VPS26B: variants seen among roughly 807,000 people sequenced by gnomAD.
VPS26B encodes the protein vacuolar protein sorting-associated protein 26B.
VPS26B carries 10 observed loss-of-function variants against 33.3 expected under a neutral mutation model. The ratio of observed to expected loss-of-function variants is 0.30; its 90% confidence interval spans 0.19 to 0.51. VPS26B has a LOEUF of 0.51. VPS26B is among the 20% of genes least tolerant of loss of function. The probability of loss-of-function intolerance (pLI) is 0.98; values close to 1 mark genes in which losing one functional copy is unlikely to be tolerated. For missense variants in VPS26B, 317 were observed against 452.7 expected (o/e 0.70, Z 2.72); for synonymous variants, 190 against 176.9 (o/e 1.07, Z -0.59).
rs754414918 is a variant in VPS26B, at chr11:134,246,457, A to G, written c.*867A>G. ...GAGGGCCTGGTTCCCTGAAGAACCA[A>G]TCCCAGGAAGGGGCCTTGATCCCTC... On this transcript the variant is annotated 3_prime_UTR_variant, in exon 6 of 6. Coordinates refer to ENST00000281187, the MANE Select transcript of VPS26B (RefSeq NM_052875.5). The G allele has an allele frequency of 2.6e-5, 4 of 152,202 alleles. No homozygotes were observed. The highest frequency in any genetic ancestry group is 4.4e-5 in the Non-Finnish European group (3 of 68,052). The allele number at this position is 152,202 out of a possible 1,614,324, so 9.4% of individuals were successfully genotyped here. A position where few individuals can be genotyped will look rare whatever the true frequency, so the allele number is the denominator to read the frequency against.
At chr11:134,226,198 G>A (rs1232409198) in intron 1 of VPS26B, among the ~76,000 whole-genome samples, 1 of 152,182 alleles carries the variant, frequency 6.6e-6, no homozygotes, top group Admixed American at 6.5e-5. Context: ...GCCAGGAGTT[G>A]GAGACCAGCC....
At chr11:134,231,218 T>A (rs1314048730) in intron 1 of VPS26B, among the ~76,000 whole-genome samples, 1 of 150,316 alleles carries the variant, frequency 6.7e-6, no homozygotes, top group East Asian at 1.9e-4. Context: ...CAACAGACAT[T>A]ATCTGGATTT....
rs559998669 is a variant in VPS26B at position 134,240,265 on chromosome 11, C to T, written c.545+110C>T. 6 of 1,295,934 alleles carry T rather than the reference C, an allele frequency of 4.6e-6. No individual in the cohort carries two copies. In the African/African-American group the frequency reaches 7.3e-5, roughly 16 times the overall value. 80.3% of individuals were successfully genotyped at this position (1,295,934 alleles called of 1,614,324 possible). A position where few individuals can be genotyped will look rare whatever the true frequency, so the allele number is the denominator to read the frequency against. On this transcript the variant is annotated intron_variant, in intron 3 of 5. Transcript: ENST00000281187. This position sits in a 1 kb window ranked among gnomAD's most constrained non-coding sequence, Gnocchi z 4.4. ...CTGTGACTCGACTGCTTTGTGGTGGCATGCGGTGGGGGAAGACCGTGGGAG... is the reference window on the plus strand; with the variant it reads ...CTGTGACTCGACTGCTTTGTGGTGGTATGCGGTGGGGGAAGACCGTGGGAG...
chr11:134,234,784 G>C, intron 1 of VPS26B, 113 bp from the exon 2 acceptor site: 1 of 1,328,602 alleles, frequency 7.5e-7, no homozygotes, highest in Non-Finnish European at 1.0e-6. Context: ...CTGTTCTGCA[G>C]GGAGGTCCTT....
At chr11:134,239,938 G>T (rs778799549) in intron 2 of VPS26B, 53 bp from the exon 3 acceptor site, 10 of 1,609,764 alleles carry the variant, frequency 6.2e-6, no homozygotes, top group Non-Finnish European at 8.5e-6. Context: ...CCTATATCTA[G>T]GTAGCATCTG....
intron 2 of VPS26B, 113 bp from the exon 3 acceptor site, chr11:134,239,878 A>G (rs909194049): frequency 1.7e-6 from 2 of 1,189,324 alleles, no homozygotes; most frequent in Non-Finnish European, 2.4e-6. Flanking sequence ...CAAAGCCCTC[A>G]AGGGTTAAGA....
rs562444851 is a variant in VPS26B at position 134,246,257 on chromosome 11, C to G, written c.*667C>G. ...GGATGGCCTTGGGCACGGAGAAGCC[C>G]TGGGGTCAGTGTCGTGCACGGATGG... is the stretch of plus-strand genomic sequence containing the variant. On this transcript the variant is annotated 3_prime_UTR_variant, in exon 6 of 6. Transcript: ENST00000281187. The G allele has an allele frequency of 6.5e-6, 1 of 152,816 alleles. No homozygotes were observed. The highest frequency in any genetic ancestry group is 1.9e-4 in the East Asian group (1 of 5,166). The allele number at this position is 152,816 out of a possible 1,614,324, so 9.5% of individuals were successfully genotyped here.
chr11:134,244,856 C>T lies in VPS26B; in HGVS notation c.722-82C>T, dbSNP rs1938785948. On this transcript the variant is annotated intron_variant, in intron 4 of 5. Transcript: ENST00000281187. The surrounding 1 kb of genome is among the most constrained non-coding windows in gnomAD (Gnocchi z 4.0). The stretch of plus-strand genomic sequence containing the variant: ...CTCGTGTGCTGCACTCCAGTGGCAT[C>T]TCTGCAGTGGTCAGAGTGACCTGGT... 1.3e-6 allele frequency: 2 copies of T among 1,528,164 alleles called. No individual in the cohort carries two copies. Among genetic ancestry groups the T allele is most frequent in the South Asian group, 1.3e-5 (1 of 79,506 alleles). 94.7% of individuals were successfully genotyped at this position (1,528,164 alleles called of 1,614,324 possible). A position where few individuals can be genotyped will look rare whatever the true frequency, so the allele number is the denominator to read the frequency against.
chr11:134,224,971 C>G lies in VPS26B; in HGVS notation c.-152C>G. 1.9e-6 allele frequency: 1 copy of G among 525,980 alleles called. No individual in the cohort carries two copies. Among genetic ancestry groups the G allele is most frequent in the Non-Finnish European group, 2.8e-6 (1 of 362,878 alleles). 32.6% of individuals were successfully genotyped at this position (525,980 alleles called of 1,614,324 possible). ...CCGTGGAGCCGGCTGTCCGTCGGCG[C>G]CCACTGCCCGGCGGCAGCGGCGGAG... On this transcript the variant is annotated 5_prime_UTR_variant, in exon 1 of 6. Coordinates refer to ENST00000281187, the MANE Select transcript of VPS26B (RefSeq NM_052875.5).
intron 2 of VPS26B, chr11:134,235,411 G>T (rs1018257289): frequency 6.5e-5 from 11 of 168,504 alleles, no homozygotes; most frequent in Non-Finnish European, 1.0e-4. Context: ...TGAGATTTTC[G>T]CATGTCTTAC....
At chr11:134,228,328 C>T (rs1938508117) in intron 1 of VPS26B, among the ~76,000 whole-genome samples, 1 of 150,762 alleles carries the variant, frequency 6.6e-6, no homozygotes, top group Non-Finnish European at 1.5e-5. Flanking sequence ...ATTTCTTGAT[C>T]AAGAACAAGG....
chr11:134,245,844 G>A lies in VPS26B; in HGVS notation c.*254G>A, dbSNP rs1938806991. ...GCATCCTGGAAGCCAGCCTCTCTGG[G>A]GAACATGAGCCCCCTTCCTCGGGGG... On this transcript the variant is annotated 3_prime_UTR_variant, in exon 6 of 6. Coordinates refer to ENST00000281187, the MANE Select transcript of VPS26B (RefSeq NM_052875.5). The surrounding 1 kb of genome is among the most constrained non-coding windows in gnomAD (Gnocchi z 4.7). 1 of 488,602 alleles carries A rather than the reference G, an allele frequency of 2.0e-6. No homozygotes were observed. Among genetic ancestry groups the A allele is most frequent in the Non-Finnish European group, 3.7e-6 (1 of 273,450 alleles). 30.3% of individuals were successfully genotyped at this position (488,602 alleles called of 1,614,324 possible).
At chr11:134,235,245 T>C (rs530871142) in intron 2 of VPS26B, 192 bp downstream of exon 2, 1 of 629,484 alleles carries the variant, frequency 1.6e-6, no homozygotes. Flanking sequence ...GTAGCATGTG[T>C]CAATTTCTGT....
At position 134,245,540 on chromosome 11, in the gene VPS26B, G is replaced by C; in HGVS notation, c.961G>C (p.Gly321Arg). 1 of 1,613,480 alleles carries C rather than the reference G, an allele frequency of 6.2e-7. No individual in the cohort carries two copies. The highest frequency in any genetic ancestry group is 1.7e-5 in the Admixed American group (1 of 60,002). ...SQRFEGTTSL[G>R]EVRTPSQLSD... ...GCGCTTTGAGGGCACCACCTCCCTG[G>C]GTGAGGTGCGGACCCCCAGCCAGCT... Residue 321 changes from glycine (G) to arginine (R), a missense_variant, in exon 6 of 6, where the codon GGT (glycine) becomes CGT (arginine). Transcript: ENST00000281187. This position sits in a 1 kb window ranked among gnomAD's most constrained non-coding sequence, Gnocchi z 4.7.
intron 2 of VPS26B, 117 bp downstream of exon 2, chr11:134,235,170 G>A (rs764930458): frequency 3.2e-4 from 420 of 1,301,044 alleles, no homozygotes; most frequent in Non-Finnish European, 4.1e-4. Context: ...GAAGAGTGTC[G>A]CGAGCTGTGG....
In VPS26B at chr11:134,245,407, TC is replaced by T. The variant is rs1238801211; in HGVS notation, c.865-36del. The T allele has an allele frequency of 6.2e-7, 1 of 1,612,830 alleles. No homozygotes were observed. Among genetic ancestry groups the T allele is most frequent in the Non-Finnish European group, 8.5e-7 (1 of 1,179,116 alleles). On this transcript the variant is annotated intron_variant, in intron 5 of 5. Transcript: ENST00000281187. The surrounding 1 kb of genome is among the most constrained non-coding windows in gnomAD (Gnocchi z 4.7). Reference sequence around the variant, plus strand: ...TAGGAAACCTGTCCCCATGCCTCCCTCTAAGGTGTCACATTGCCCCCCTTTC... The same window carrying T: ...TAGGAAACCTGTCCCCATGCCTCCCTTAAGGTGTCACATTGCCCCCCTTTC...
intron 3 of VPS26B, 52 bp from the exon 4 acceptor site, chr11:134,243,067 A>G (rs1352715858): frequency 3.8e-6 from 6 of 1,595,164 alleles, no homozygotes; most frequent in Admixed American, 1.7e-5. Context: ...CTGAAACAGA[A>G]AGGTCTGGCC....
intron 1 of VPS26B, among the ~76,000 whole-genome samples, chr11:134,230,020 C>T (rs1938535336): frequency 6.6e-6 from 1 of 152,142 alleles, no homozygotes; most frequent in African/African-American, 2.4e-5. Context: ...AACCTTCCAC[C>T]CAAGCTCTTA....
chr11:134,235,202 G>T, intron 2 of VPS26B, 149 bp downstream of exon 2: 1 of 1,025,442 alleles, frequency 9.8e-7, no homozygotes, highest in East Asian at 2.7e-5. Context: ...ACCATTAACC[G>T]TGGGCCTTCT....
Sources: gnomAD v4.1 joint callset for allele counts (sites outside exome capture counted in the v4.1 genomes callset) on GRCh38, gnomAD v4.1.1 for gene constraint, Gnocchi (gnomAD v3.1) non-coding constraint, MANE v1.5 for transcripts, NCBI Gene and HGNC (gene_info 2026-07-23, HGNC 2026-07-21) for gene names.